Variants in XKR4 observed in about 807,000 individuals in gnomAD.
The protein encoded by XKR4 is XK related 4.
A neutral mutation model predicts 53.9 loss-of-function variants in XKR4; 12 were observed. That is an observed-to-expected ratio of 0.22 (90% CI 0.14 to 0.36). The LOEUF (loss-of-function observed/expected upper bound fraction) is 0.36. XKR4 is among the 10% of genes least tolerant of loss of function. The pLI is 1.00. For synonymous variants in XKR4, 354 were observed against 362.4 expected, an observed-to-expected ratio of 0.98 and a Z score of 0.26; for missense variants, 799 against 859.5, an observed-to-expected ratio of 0.93 and a Z score of 0.88.
intron 1 of XKR4, among the ~76,000 whole-genome samples, chr8:55,237,721 G>T (rs1818153229): frequency 6.6e-6 from 1 of 152,180 alleles, no homozygotes; most frequent in South Asian, 2.1e-4. Context: ...AACACTGTGT[G>T]ATGAACATGA....
intron 1 of XKR4, among the ~76,000 whole-genome samples, chr8:55,260,029 A>G (rs1443756614): frequency 6.6e-6 from 1 of 150,438 alleles, no homozygotes; most frequent in Non-Finnish European, 1.5e-5. Flanking sequence ...TTACTCCTCT[A>G]TCTCACTTGC....
At chr8:55,187,809 A>G (rs964864728) in intron 1 of XKR4, among the ~76,000 whole-genome samples, 5 of 152,232 alleles carry the variant, frequency 3.3e-5, no homozygotes, top group Admixed American at 1.3e-4. Flanking sequence ...CTGAAAACAT[A>G]TGATAGATCA....
chr8:55,291,023 A>G (rs971352329), intron 1 of XKR4, among the ~76,000 whole-genome samples: 4 of 152,118 alleles, frequency 2.6e-5, no homozygotes, highest in South Asian at 2.1e-4. Context: ...ACTGGGATCC[A>G]TTGTAAATTA....
At chr8:55,325,725 CATT>C (rs1455764145) in intron 1 of XKR4, among the ~76,000 whole-genome samples, 1 of 152,156 alleles carries the variant, frequency 6.6e-6, no homozygotes, top group Admixed American at 6.5e-5. Context: ...ACTCCCCCAT[CATT>C]GTTAGACATA....
intron 1 of XKR4, among the ~76,000 whole-genome samples, chr8:55,205,175 G>C (rs1023847019): frequency 6.6e-6 from 1 of 152,112 alleles, no homozygotes; most frequent in Non-Finnish European, 1.5e-5. Flanking sequence ...TCCTTATTTT[G>C]AGTAAAGGAG....
intron 1 of XKR4, among the ~76,000 whole-genome samples, chr8:55,300,163 G>A (rs902586909): frequency 6.6e-6 from 1 of 152,150 alleles, no homozygotes; most frequent in Non-Finnish European, 1.5e-5. Context: ...CGAACCAGGG[G>A]TGCAGGAAAG....
At chr8:55,398,276 C>T (rs1804552452) in intron 2 of XKR4, among the ~76,000 whole-genome samples, 1 of 152,202 alleles carries the variant, frequency 6.6e-6, no homozygotes, top group Admixed American at 6.5e-5. Context: ...GTGAGGAGGA[C>T]TGCCATGGGC....
At chr8:55,138,891 A>G (rs905467985) in intron 1 of XKR4, among the ~76,000 whole-genome samples, 1 of 152,212 alleles carries the variant, frequency 6.6e-6, no homozygotes. Context: ...CAGGGATGAG[A>G]GAAGATAACT....
At chr8:55,207,170 A>C (rs1817661875) in intron 1 of XKR4, among the ~76,000 whole-genome samples, 1 of 152,150 alleles carries the variant, frequency 6.6e-6, no homozygotes, top group Non-Finnish European at 1.5e-5. Flanking sequence ...CTCACTGGTA[A>C]GGACTGTACT....
chr8:55,438,768 T>A (rs1470705329), intron 2 of XKR4, among the ~76,000 whole-genome samples: 1 of 152,112 alleles, frequency 6.6e-6, no homozygotes, highest in Non-Finnish European at 1.5e-5. Context: ...AAATATATCT[T>A]AAAATATTGA....
intron 1 of XKR4, among the ~76,000 whole-genome samples, chr8:55,129,413 G>A (rs1585893726): frequency 6.6e-6 from 1 of 152,340 alleles, no homozygotes; most frequent in East Asian, 1.9e-4. Context: ...GATGAGGAGA[G>A]GTGGGGTTAC....
chr8:55,197,891 T>C (rs768756681), intron 1 of XKR4, among the ~76,000 whole-genome samples: 2 of 152,216 alleles, frequency 1.3e-5, no homozygotes, highest in Admixed American at 1.3e-4. Context: ...AAATTCCTGA[T>C]TAAAATTACA....
intron 1 of XKR4, among the ~76,000 whole-genome samples, chr8:55,188,288 A>G (rs1164245037): frequency 6.6e-6 from 1 of 152,178 alleles, no homozygotes; most frequent in Non-Finnish European, 1.5e-5. Context: ...TAACCATGAA[A>G]TGAAGTCGAT....
At chr8:55,110,764 A>G (rs1414487692) in intron 1 of XKR4, among the ~76,000 whole-genome samples, 1 of 152,180 alleles carries the variant, frequency 6.6e-6, no homozygotes, top group South Asian at 2.1e-4. Context: ...ATACTTGACT[A>G]TCTGAAAATA....
intron 1 of XKR4, among the ~76,000 whole-genome samples, chr8:55,265,766 G>A (rs1339771304): frequency 6.6e-6 from 1 of 151,932 alleles, no homozygotes; most frequent in Non-Finnish European, 1.5e-5. Context: ...AGATCATGAG[G>A]TCAAGAGATC....
intron 2 of XKR4, among the ~76,000 whole-genome samples, chr8:55,467,573 A>G (rs1019691632): frequency 3.3e-5 from 5 of 152,072 alleles, no homozygotes; most frequent in African/African-American, 9.7e-5. Context: ...AAGATTTATG[A>G]TTTAAATTGC....
intron 1 of XKR4, among the ~76,000 whole-genome samples, chr8:55,217,188 G>C (rs992346090): frequency 1.5e-5 from 2 of 133,124 alleles, no homozygotes; most frequent in African/African-American, 5.6e-5. Context: ...CTTGCAGTGA[G>C]CCAAGATCGC....
intron 1 of XKR4, among the ~76,000 whole-genome samples, chr8:55,258,996 C>G (rs766465264): frequency 6.6e-6 from 1 of 152,214 alleles, no homozygotes; most frequent in Non-Finnish European, 1.5e-5. Context: ...TTTCAGGACA[C>G]AGAAGAAAGA....
At chr8:55,485,718 T>C (rs567679530) in intron 2 of XKR4, among the ~76,000 whole-genome samples, 1 of 152,106 alleles carries the variant, frequency 6.6e-6, no homozygotes, top group Non-Finnish European at 1.5e-5. Context: ...CTTTTTCTAC[T>C]GGTTATAGAG....
Sources: gnomAD v4.1 joint callset for allele counts (sites outside exome capture counted in the v4.1 genomes callset) on GRCh38, gnomAD v4.1.1 for gene constraint, MANE v1.5 for transcripts, NCBI Gene and HGNC (gene_info 2026-07-23, HGNC 2026-07-21) for gene names.